ATM: variants seen among roughly 807,000 people sequenced by gnomAD.
ATM encodes the protein ATM serine/threonine kinase.
A neutral mutation model predicts 387.0 loss-of-function variants in ATM; 308 were observed. That is an observed-to-expected ratio of 0.80 (90% CI 0.73 to 0.87). ATM has a LOEUF of 0.87. Among genes scored for constraint, ATM ranks in the 40% least tolerant of loss-of-function variants. The pLI, the probability that ATM is intolerant of heterozygous loss-of-function variation, is 0.00. For synonymous variants in ATM, 1,156 were observed against 1,187.3 expected (o/e 0.97, Z 0.54); for missense variants, 3,312 against 3,560.9 (o/e 0.93, Z 1.78).
At chr11:108,336,980 C>T (rs1000241214) in intron 56 of ATM, among the ~76,000 whole-genome samples, 1 of 152,134 alleles carries the variant, frequency 6.6e-6, no homozygotes, top group Non-Finnish European at 1.5e-5. Context: ...AATGTTGTAA[C>T]AGGGACTATG....
intron 16 of ATM, 38 bp from the exon 17 acceptor site, chr11:108,267,133 G>A (rs2135504276): frequency 6.2e-7 from 1 of 1,607,496 alleles, no homozygotes; most frequent in Non-Finnish European, 8.5e-7. Context: ...GCTCCTGCAA[G>A]AAGCCATCTT....
rs765636697 is a variant in ATM, at chr11:108,289,111, T to C, written c.4236+8T>C. The C allele has an allele frequency of 3.7e-6, 6 of 1,604,536 alleles. No individual in the cohort carries two copies. Among genetic ancestry groups the C allele is most frequent in the Non-Finnish European group, 5.1e-6 (6 of 1,172,362 alleles). On this transcript the variant is annotated splice_region_variant and intron_variant, in intron 28 of 62. Transcript: ENST00000675843. Reference sequence around the variant, plus strand: ...ATTCTTTCCAAAAGCCCTGTAAGTATACATGATGAGTTTAATAATAGAACA... The same window carrying C: ...ATTCTTTCCAAAAGCCCTGTAAGTACACATGATGAGTTTAATAATAGAACA...
rs1180387523 is a variant in ATM, at chr11:108,245,897, T to G, written c.901+871T>G. Among the ~76,000 whole-genome samples, 3 of 149,322 alleles carry G rather than the reference T, an allele frequency of 2.0e-5. No individual in the cohort carries two copies. In the Admixed American group the frequency reaches 2.0e-4, roughly 10 times the overall value. On this transcript the variant is annotated intron_variant, in intron 7 of 62. Transcript: ENST00000675843. ...TGAAGTGCAGTGACGCAATGTTAGC[T>G]CACTGCAACCTCCGCCTCCTGGGTT...
chr11:108,271,575 A>T (rs899965711), intron 20 of ATM, among the ~76,000 whole-genome samples, 169 bp downstream of exon 20: 4 of 152,310 alleles, frequency 2.6e-5, no homozygotes, highest in Non-Finnish European at 2.9e-5. Context: ...GAAGAACTAC[A>T]TTGCTTTTTG....
chr11:108,271,848 A>G (rs780534363), intron 20 of ATM, among the ~76,000 whole-genome samples: 1 of 152,210 alleles, frequency 6.6e-6, no homozygotes, highest in Non-Finnish European at 1.5e-5. Flanking sequence ...AAGTAATTCT[A>G]AATCAATAGA....
intron 8 of ATM, among the ~76,000 whole-genome samples, chr11:108,248,567 T>A (rs2079966465): frequency 1.3e-5 from 2 of 151,954 alleles, no homozygotes; most frequent in Non-Finnish European, 2.9e-5. Flanking sequence ...TTCCCCCTAA[T>A]GAAATATTAG....
intron 7 of ATM, among the ~76,000 whole-genome samples, chr11:108,246,129 G>A (rs925175048): frequency 6.6e-6 from 1 of 152,040 alleles, no homozygotes; most frequent in African/African-American, 2.4e-5. Flanking sequence ...CGGCCGTGTA[G>A]CCACTTTTTA....
Position 108,367,578 on chromosome 11 carries a change from C to T in ATM, c.*2070C>T, listed in dbSNP as rs999951061. On this transcript the variant is annotated 3_prime_UTR_variant, in exon 63 of 63. Coordinates refer to ENST00000675843, the MANE Select transcript of ATM (RefSeq NM_000051.4). ...CTTAGGAAAATGTTCATCCCAGCTG[C>T]GGAGATTAACAAATGGGTGATTGAG... The T allele has an allele frequency of 9.7e-5, 20 of 206,370 alleles. No homozygotes were observed. The highest frequency in any genetic ancestry group is 3.7e-4 in the African/African-American group (16 of 43,780). The allele number at this position is 206,370 out of a possible 1,614,324, so 12.8% of individuals were successfully genotyped here.
chr11:108,336,141 TAAA>T (rs374306537), intron 56 of ATM, 180 bp downstream of exon 56: 254 of 440,048 alleles, frequency 5.8e-4, no homozygotes, highest in Middle Eastern at 1.3e-3. Flanking sequence ...GACAAAAAGT[TAAA>T]AAAAAAAAAA....
intron 49 of ATM, 35 bp downstream of exon 49, chr11:108,329,273 C>A (rs1441007183): frequency 6.5e-7 from 1 of 1,544,756 alleles, no homozygotes; most frequent in South Asian, 1.1e-5. Context: ...ATTTTATGTT[C>A]ACCAGTTAAC....
intron 33 of ATM, among the ~76,000 whole-genome samples, chr11:108,298,472 C>T (rs1256738775): frequency 3.3e-5 from 5 of 152,196 alleles, no homozygotes; most frequent in Admixed American, 3.3e-4. Flanking sequence ...CTTACCAGAA[C>T]TGTAGAAGTT....
intron 37 of ATM, among the ~76,000 whole-genome samples, chr11:108,305,548 C>T (rs1226957113): frequency 4.6e-5 from 7 of 152,116 alleles, no homozygotes; most frequent in Admixed American, 4.6e-4. Context: ...GATTACACCA[C>T]TGCATTCCAG....
intron 23 of ATM, 36 bp from the exon 24 acceptor site, chr11:108,280,959 T>C (rs377600719): frequency 1.5e-5 from 23 of 1,550,826 alleles, no homozygotes; most frequent in Non-Finnish European, 1.1e-5. Flanking sequence ...AACATTTACA[T>C]TTTACATTAC....
At chr11:108,232,079 T>C (rs2079041230) in intron 4 of ATM, among the ~76,000 whole-genome samples, 1 of 152,262 alleles carries the variant, frequency 6.6e-6, no homozygotes. Context: ...GTTTGCAATG[T>C]GTACAGTAGT....
chr11:108,334,289 G>GT (rs1350840723), intron 54 of ATM, among the ~76,000 whole-genome samples: 1 of 152,112 alleles, frequency 6.6e-6, no homozygotes, highest in African/African-American at 2.4e-5. Context: ...TGGCAAGGAA[G>GT]GTTCCAATTG....
chr11:108,295,410 T>G (rs974413126), intron 32 of ATM: 1 of 269,156 alleles, frequency 3.7e-6, no homozygotes, highest in Non-Finnish European at 7.2e-6. Flanking sequence ...TACTATGACC[T>G]TGAATTCCTG....
At chr11:108,319,152 A>G (rs550863953) in intron 43 of ATM, among the ~76,000 whole-genome samples, 67 of 152,184 alleles carry the variant, frequency 4.4e-4, no homozygotes, top group Non-Finnish European at 8.7e-4. Context: ...ACTCCATCCT[A>G]GGCAACAGAG....
At chr11:108,352,293 G>C (rs1395343084) in intron 59 of ATM, among the ~76,000 whole-genome samples, 1 of 152,136 alleles carries the variant, frequency 6.6e-6, no homozygotes, top group African/African-American at 2.4e-5. Flanking sequence ...AATATAGTAA[G>C]TCTCAGCACA....
At chr11:108,291,554 G>C (rs1273859049) in intron 29 of ATM, among the ~76,000 whole-genome samples, 4 of 152,112 alleles carry the variant, frequency 2.6e-5, no homozygotes, top group African/African-American at 9.7e-5. Context: ...TCTATTTTCT[G>C]TCTCAATGAA....
Sources: gnomAD v4.1 joint callset for allele counts (sites outside exome capture counted in the v4.1 genomes callset) on GRCh38, gnomAD v4.1.1 for gene constraint, MANE v1.5 for transcripts, NCBI Gene and HGNC (gene_info 2026-07-23, HGNC 2026-07-21) for gene names.